The following CSMD1 variants were observed in gnomAD, a reference collection of about 807,000 sequenced individuals.
The protein encoded by CSMD1 is CUB and Sushi multiple domains 1, also known as CUB and sushi domain-containing protein 1.
Under a neutral mutation model 417.5 loss-of-function variants are expected in CSMD1, and 213 were observed. That is an observed-to-expected ratio of 0.51 (90% CI 0.46 to 0.57). The LOEUF (loss-of-function observed/expected upper bound fraction) is 0.57. Among genes scored for constraint, CSMD1 ranks in the 20% least tolerant of loss-of-function variants. The probability of loss-of-function intolerance (pLI) is 0.00; values close to 1 mark genes in which losing one functional copy is unlikely to be tolerated. For synonymous variants in CSMD1, 2,862 were observed against 1,736.8 expected (o/e 1.65, Z -16.11); for missense variants, 6,923 against 4,529.7 (o/e 1.53, Z -15.17).
At chr8:4,396,415 C>G (rs1167130175) in intron 3 of CSMD1, among the ~76,000 whole-genome samples, 2 of 152,072 alleles carry the variant, frequency 1.3e-5, no homozygotes, top group East Asian at 1.9e-4. Flanking sequence ...TTCAGTGAAC[C>G]AAGACTGCAC....
At chr8:4,662,302 T>G (rs1585411288) in intron 1 of CSMD1, among the ~76,000 whole-genome samples, 3 of 141,116 alleles carry the variant, frequency 2.1e-5, no homozygotes, top group African/African-American at 7.4e-5. Context: ...TAAAAGTAAC[T>G]GAGTAATGAA....
chr8:3,233,117 G>C (rs1053659042), intron 26 of CSMD1, among the ~76,000 whole-genome samples: 1 of 151,060 alleles, frequency 6.6e-6, no homozygotes, highest in Non-Finnish European at 1.5e-5. Flanking sequence ...TTTTTATTTG[G>C]CCTAATTTTT....
At position 3,408,209 on chromosome 8, in the gene CSMD1, G is replaced by C; in HGVS notation, c.1761C>G (p.Asn587Lys). The change falls in exon 14 of 70, where the codon AAC becomes AAG. Residue 587 changes from asparagine to lysine, a missense_variant. Physicochemically the swap from Asn to Lys is moderately conservative, Grantham distance 94 (BLOSUM62 0). Transcript: ENST00000635120. ...GAATAATCCCAGATGATGCCGTAAA[G>C]TTGAAGAAACATGAAACTGTGAAGA... ...KPSCVFSCFF[N>K]FTASSGIILS... 2 of 1,603,432 alleles carry C rather than the reference G, an allele frequency of 1.2e-6. No individual in the cohort carries two copies. Among genetic ancestry groups the C allele is most frequent in the Non-Finnish European group, 1.7e-6 (2 of 1,173,402 alleles).
At chr8:3,409,123 G>A (rs1443242387) in intron 13 of CSMD1, among the ~76,000 whole-genome samples, 1 of 152,202 alleles carries the variant, frequency 6.6e-6, no homozygotes, top group Non-Finnish European at 1.5e-5. Context: ...GTCTGATACA[G>A]CAGATCATCA....
intron 4 of CSMD1, among the ~76,000 whole-genome samples, chr8:4,004,270 A>G (rs1290608020): frequency 6.6e-6 from 1 of 152,136 alleles, no homozygotes; most frequent in Non-Finnish European, 1.5e-5. Flanking sequence ...TCCCAGTAAC[A>G]TTCATGAATA....
intron 3 of CSMD1, among the ~76,000 whole-genome samples, chr8:4,360,056 C>T (rs182653585): frequency 7.2e-5 from 11 of 152,292 alleles, no homozygotes; most frequent in East Asian, 3.9e-4. Context: ...CAGTTCCTCT[C>T]GTCTCTGACC....
chr8:4,149,915 G>A (rs930550170), intron 3 of CSMD1, among the ~76,000 whole-genome samples: 2 of 152,140 alleles, frequency 1.3e-5, no homozygotes, highest in African/African-American at 4.8e-5. Flanking sequence ...TCTACCTCTT[G>A]GTGTTTTGTT....
rs1453077830 is a variant in CSMD1 at position 4,470,047 on chromosome 8, T to C, written c.303-49982A>G. Among the ~76,000 whole-genome samples, 4 of 151,922 alleles carry C rather than the reference T, an allele frequency of 2.6e-5. No homozygotes were observed. In the East Asian group the frequency reaches 5.8e-4, roughly 22 times the overall value. ...CATGCCCGGCTAATTTCTTTTTGTA[T>C]TTTTAGTAGAGATGGGGTTTCACCG... On this transcript the variant is annotated intron_variant, in intron 2 of 69. Transcript: ENST00000635120.
intron 1 of CSMD1, among the ~76,000 whole-genome samples, chr8:4,875,142 A>T (rs1376365930): frequency 6.6e-6 from 1 of 151,758 alleles, no homozygotes; most frequent in Non-Finnish European, 1.5e-5. Context: ...ATGGTAAGGT[A>T]GTATGTGCTC....
chr8:4,753,364 A>G (rs528026950), intron 1 of CSMD1, among the ~76,000 whole-genome samples: 136 of 150,464 alleles, frequency 9.0e-4, no homozygotes, highest in Non-Finnish European at 1.5e-3. Flanking sequence ...TCGATATTGT[A>G]AGGTCTGTTT....
At chr8:4,346,362 G>C (rs571590205) in intron 3 of CSMD1, among the ~76,000 whole-genome samples, 2 of 152,222 alleles carry the variant, frequency 1.3e-5, no homozygotes, top group East Asian at 1.9e-4. Context: ...ATTTCCATAC[G>C]ATCTGCGGCT....
chr8:4,649,842 A>G (rs1803771795), intron 1 of CSMD1, among the ~76,000 whole-genome samples: 1 of 152,230 alleles, frequency 6.6e-6, no homozygotes, highest in Non-Finnish European at 1.5e-5. Context: ...AATATGAGTT[A>G]TGCCTTTAAC....
intron 3 of CSMD1, among the ~76,000 whole-genome samples, chr8:4,281,261 C>T (rs781177405): frequency 6.6e-6 from 1 of 152,192 alleles, no homozygotes; most frequent in Admixed American, 6.6e-5. Context: ...AAAATAACCT[C>T]TCGACAGCAT....
chr8:4,088,143 C>G (rs1007899476), intron 3 of CSMD1, among the ~76,000 whole-genome samples: 5 of 152,124 alleles, frequency 3.3e-5, no homozygotes, highest in Admixed American at 6.6e-5. Flanking sequence ...AGGACACTGC[C>G]CATTCTCAGT....
chr8:4,443,410 T>A (rs1439855207), intron 2 of CSMD1, among the ~76,000 whole-genome samples: 3 of 152,306 alleles, frequency 2.0e-5, no homozygotes, highest in South Asian at 2.1e-4. Flanking sequence ...CCAAGAAAAT[T>A]GCAACAATCT....
At chr8:3,312,676 A>G (rs1379467691) in intron 23 of CSMD1, among the ~76,000 whole-genome samples, 1 of 152,134 alleles carries the variant, frequency 6.6e-6, no homozygotes, top group Non-Finnish European at 1.5e-5. Context: ...TAGAAATCTG[A>G]AGCTTCTACT....
intron 3 of CSMD1, among the ~76,000 whole-genome samples, chr8:4,148,986 G>A (rs1014243890): frequency 1.4e-5 from 2 of 145,802 alleles, no homozygotes; most frequent in East Asian, 2.0e-4. Flanking sequence ...TTTTTGAGAT[G>A]GAGTTTCACT....
intron 27 of CSMD1, among the ~76,000 whole-genome samples, chr8:3,229,435 A>T (rs537516471): frequency 6.6e-6 from 1 of 152,328 alleles, no homozygotes; most frequent in East Asian, 1.9e-4. Flanking sequence ...ATTAGCCTAC[A>T]AACATATTTG....
chr8:3,261,306 G>A (rs181673505), intron 26 of CSMD1, among the ~76,000 whole-genome samples: 1 of 152,264 alleles, frequency 6.6e-6, no homozygotes, highest in East Asian at 1.9e-4. Context: ...AAATTATTTG[G>A]CAGTTAAAAG....
Sources: gnomAD v4.1 joint callset for allele counts (sites outside exome capture counted in the v4.1 genomes callset) on GRCh38, gnomAD v4.1.1 for gene constraint, MANE v1.5 for transcripts, NCBI Gene and HGNC (gene_info 2026-07-23, HGNC 2026-07-21) for gene names.